PIP4K2A: variants seen among roughly 807,000 people sequenced by gnomAD.
The protein encoded by PIP4K2A is phosphatidylinositol-5-phosphate 4-kinase type 2 alpha.
PIP4K2A carries 14 observed loss-of-function variants against 42.9 expected under a neutral mutation model. That is an observed-to-expected ratio of 0.33 (90% CI 0.22 to 0.51). The LOEUF (loss-of-function observed/expected upper bound fraction) is 0.51, where lower values mean the gene tolerates loss of function less well. Among genes scored for constraint, PIP4K2A ranks in the 20% least tolerant of loss-of-function variants. The probability of loss-of-function intolerance (pLI) is 0.97; values close to 1 mark genes in which losing one functional copy is unlikely to be tolerated. For synonymous variants in PIP4K2A, 192 were observed against 192.2 expected, an observed-to-expected ratio of 1.00 and a Z score of 0.01; for missense variants, 434 against 519.8, an observed-to-expected ratio of 0.83 and a Z score of 1.61.
chr10:22,630,613 C>T (rs1359643), intron 1 of PIP4K2A, among the ~76,000 whole-genome samples: 9,893 of 152,216 alleles, frequency 0.065, 478 homozygotes, highest in African/African-American at 0.14. Context: ...ATTTATCTGC[C>T]TTACAGCAGT....
chr10:22,545,111 T>C (rs1459825286), intron 7 of PIP4K2A, among the ~76,000 whole-genome samples: 5 of 152,204 alleles, frequency 3.3e-5, no homozygotes, highest in Admixed American at 6.5e-5. Context: ...TCGGCACTTG[T>C]TGGACAAGTG....
intron 3 of PIP4K2A, among the ~76,000 whole-genome samples, chr10:22,592,443 G>A (rs1230939085): frequency 6.6e-6 from 1 of 152,152 alleles, no homozygotes; most frequent in Non-Finnish European, 1.5e-5. Flanking sequence ...AGGAGGAGGA[G>A]GCAGGAGCCT....
At chr10:22,664,062 C>CAT (rs1230269980) in intron 1 of PIP4K2A, among the ~76,000 whole-genome samples, 1,041 of 70,158 alleles carry the variant, frequency 0.015, 17 homozygotes, top group Non-Finnish European at 0.02. Context: ...TGTATATATA[C>CAT]ATATATATAT....
At chr10:22,645,067 C>T (rs753541267) in intron 1 of PIP4K2A, among the ~76,000 whole-genome samples, 1 of 152,284 alleles carries the variant, frequency 6.6e-6, no homozygotes, top group African/African-American at 2.4e-5. Flanking sequence ...CAGGTAGAAC[C>T]AAATCACTAT....
In PIP4K2A at chr10:22,653,813, G is replaced by A. The variant is rs888054119; in HGVS notation, c.145-44096C>T. 1.3e-4 allele frequency among the ~76,000 whole-genome samples: 20 copies of A among 152,320 alleles called. 2 individuals are homozygous for A. Among genetic ancestry groups the A allele is most frequent in the Admixed American group, 3.9e-4 (6 of 15,302 alleles). On this transcript the variant is annotated intron_variant, in intron 1 of 9. Coordinates refer to ENST00000376573, the MANE Select transcript of PIP4K2A (RefSeq NM_005028.5). The stretch of plus-strand genomic sequence containing the variant: ...CGCATGAATCCAGAAGGCGGAGGTT[G>A]CAGTGAGCCAAGATTGCGCCACTGC...
intron 3 of PIP4K2A, among the ~76,000 whole-genome samples, chr10:22,606,586 T>C (rs1223597685): frequency 1.3e-5 from 2 of 152,200 alleles, no homozygotes; most frequent in East Asian, 3.8e-4. Context: ...TTTTTGGCAA[T>C]GGTACAGAGA....
Position 22,606,165 on chromosome 10 carries a change from G to C in PIP4K2A, c.339+1762C>G, listed in dbSNP as rs930781771. On this transcript the variant is annotated intron_variant, in intron 3 of 9. Transcript: ENST00000376573. ...TCTACCAAAAAAAAAAAAAAAATTAGCTGGGCATGGTGGTGCACACCTGTA... is the reference window on the plus strand; with the variant it reads ...TCTACCAAAAAAAAAAAAAAAATTACCTGGGCATGGTGGTGCACACCTGTA... Among the ~76,000 whole-genome samples the C allele has an allele frequency of 8.2e-5, 11 of 133,676 alleles. 1 individual carries two copies. The East Asian group carries it at 2.5e-3, about 31-fold the overall frequency. The allele number at this position is 133,676 out of a possible 152,430, so 87.7% of individuals were successfully genotyped here.
intron 1 of PIP4K2A, among the ~76,000 whole-genome samples, chr10:22,620,326 T>C (rs1838296301): frequency 6.6e-6 from 1 of 152,226 alleles, no homozygotes; most frequent in African/African-American, 2.4e-5. Context: ...TAATACTGGC[T>C]TTTTTAAAAA....
chr10:22,582,907 AAAAAAGT>A (rs1588641941), intron 4 of PIP4K2A, among the ~76,000 whole-genome samples: 2 of 151,808 alleles, frequency 1.3e-5, no homozygotes, highest in African/African-American at 4.8e-5. Flanking sequence ...AAAAAAAAAA[AAAAAAGT>A]AAGGATGACT....
chr10:22,691,139 A>G (rs1305746942), intron 1 of PIP4K2A, among the ~76,000 whole-genome samples: 2 of 152,222 alleles, frequency 1.3e-5, no homozygotes, highest in East Asian at 1.9e-4. Flanking sequence ...AAGCAAAGGT[A>G]TGCATGAACC....
At chr10:22,563,537 T>A (rs926534829) in intron 6 of PIP4K2A, among the ~76,000 whole-genome samples, 2 of 152,242 alleles carry the variant, frequency 1.3e-5, no homozygotes, top group Non-Finnish European at 1.5e-5. Context: ...TCTGAAACAA[T>A]GTTTTTGTCA....
chr10:22,595,694 T>C (rs1002734462), intron 3 of PIP4K2A, among the ~76,000 whole-genome samples: 10 of 149,078 alleles, frequency 6.7e-5, no homozygotes, highest in African/African-American at 2.5e-4. Context: ...GAGGCAGAGA[T>C]TGCAATGAGC....
rs1835909377 is a variant in PIP4K2A at position 22,536,008 on chromosome 10, C to A, written c.*1193G>T. The stretch of plus-strand genomic sequence containing the variant: ...TCAAAATATGACAAACGTTATTTCA[C>A]CTATACTGTGACTTTACATGTAAAC... On this transcript the variant is annotated 3_prime_UTR_variant, in exon 10 of 10. Coordinates refer to ENST00000376573, the MANE Select transcript of PIP4K2A (RefSeq NM_005028.5). 1 of 397,652 alleles carries A rather than the reference C, an allele frequency of 2.5e-6. No individual in the cohort carries two copies. The highest frequency in any genetic ancestry group is 4.4e-5 in the Admixed American group (1 of 22,704). The allele number at this position is 397,652 out of a possible 1,614,324, so 24.6% of individuals were successfully genotyped here. A position where few individuals can be genotyped will look rare whatever the true frequency, so the allele number is the denominator to read the frequency against.
intron 1 of PIP4K2A, among the ~76,000 whole-genome samples, chr10:22,624,851 C>G (rs1838403466): frequency 6.6e-6 from 1 of 152,160 alleles, no homozygotes; most frequent in African/African-American, 2.4e-5. Context: ...TTGCCAAAAA[C>G]AATGAAACTG....
At chr10:22,664,062 C>CATAT (rs1230269980) in intron 1 of PIP4K2A, among the ~76,000 whole-genome samples, 5 of 70,228 alleles carry the variant, frequency 7.1e-5, no homozygotes, top group African/African-American at 2.7e-4. Context: ...TGTATATATA[C>CATAT]ATATATATAT....
intron 7 of PIP4K2A, among the ~76,000 whole-genome samples, chr10:22,545,573 A>T (rs1379613793): frequency 6.6e-6 from 1 of 152,242 alleles, no homozygotes; most frequent in Admixed American, 6.5e-5. Flanking sequence ...GTGAGGAAGA[A>T]ATAAAGGTGC....
chr10:22,560,151 C>T (rs903919478), intron 6 of PIP4K2A, among the ~76,000 whole-genome samples: 2 of 152,084 alleles, frequency 1.3e-5, no homozygotes, highest in African/African-American at 2.4e-5. Flanking sequence ...CCTTCTATCT[C>T]GGAAGAAAAG....
At chr10:22,630,476 A>G (rs2130769464) in intron 1 of PIP4K2A, among the ~76,000 whole-genome samples, 1 of 152,328 alleles carries the variant, frequency 6.6e-6, no homozygotes, top group African/African-American at 2.4e-5. Context: ...GAATTACTAG[A>G]TGACTGTTAA....
chr10:22,706,563 G>C (rs1206916542), intron 1 of PIP4K2A, among the ~76,000 whole-genome samples: 2 of 152,154 alleles, frequency 1.3e-5, no homozygotes, highest in Non-Finnish European at 2.9e-5. Context: ...GGACACTGTA[G>C]TTATTTACAC....
Sources: gnomAD v4.1 joint callset for allele counts (sites outside exome capture counted in the v4.1 genomes callset) on GRCh38, gnomAD v4.1.1 for gene constraint, MANE v1.5 for transcripts, NCBI Gene and HGNC (gene_info 2026-07-23, HGNC 2026-07-21) for gene names.